Variants in PITPNM2 observed in about 807,000 individuals in gnomAD.
The protein encoded by PITPNM2 is membrane-associated phosphatidylinositol transfer protein 2.
PITPNM2 carries 35 observed loss-of-function variants against 132.2 expected under a neutral mutation model. The ratio of observed to expected loss-of-function variants is 0.26; its 90% CI spans 0.20 to 0.35. The LOEUF is 0.35. Ranked by LOEUF, PITPNM2 falls within the 10% of genes least tolerant of loss-of-function variation. The pLI is 1.00. For synonymous variants in PITPNM2, 738 were observed against 799.2 expected, an observed-to-expected ratio of 0.92 and a Z score of 1.29; for missense variants, 1,332 against 1,912.0, an observed-to-expected ratio of 0.70 and a Z score of 5.66.
chr12:122,990,515 TGAG>T, intron 17 of PITPNM2, 27 bp downstream of exon 17: 1 of 1,609,578 alleles, frequency 6.2e-7, no homozygotes, highest in Non-Finnish European at 8.5e-7. Flanking sequence ...CCTGGCTGAG[TGAG>T]GAGGGTGAGG....
chr12:122,992,099 C>T lies in PITPNM2; in HGVS notation c.2404+400G>A, dbSNP rs540231770. On this transcript the variant is annotated intron_variant, in intron 16 of 25. Transcript: ENST00000320201. This position sits in a 1 kb window ranked among gnomAD's most constrained non-coding sequence, Gnocchi z 6.5. ...CATCTCCTGCACCCTATCTCGGGGC[C>T]AGCCGCCTGCCATGATGGGACCCAG... is the stretch of plus-strand genomic sequence containing the variant. Among the ~76,000 whole-genome samples, 6 of 152,226 alleles carry T rather than the reference C, an allele frequency of 3.9e-5. No individual in the cohort carries two copies. The East Asian group carries it at 1.2e-3, about 29-fold the overall frequency.
rs748330494 is a variant in PITPNM2 at position 122,992,569 on chromosome 12, G to A, written c.2334C>T (p.His778=). The A allele has an allele frequency of 1.2e-5, 19 of 1,611,556 alleles. No homozygotes were observed. Among genetic ancestry groups the A allele is most frequent in the Admixed American group, 1.7e-5 (1 of 59,900 alleles). The change falls in exon 16 of 26, where the codon CAC becomes CAT. Residue 778 remains histidine (H), a synonymous_variant. Coordinates refer to ENST00000320201, the MANE Select transcript of PITPNM2 (RefSeq NM_020845.3). This position sits in a 1 kb window ranked among gnomAD's most constrained non-coding sequence, Gnocchi z 6.5. ...RLEPLLERRF[H]ALPPFSVPRY... Reference sequence around the variant, plus strand: ...GGGGGACGCTGAAAGGCGGCAGGGCGTGAAAGCGCCGTTCCAGCAGCGGCT... The same window carrying A: ...GGGGGACGCTGAAAGGCGGCAGGGCATGAAAGCGCCGTTCCAGCAGCGGCT...
chr12:123,016,619 TA>T (rs1418174568), intron 3 of PITPNM2, among the ~76,000 whole-genome samples: 3 of 151,744 alleles, frequency 2.0e-5, no homozygotes, highest in African/African-American at 7.3e-5. Context: ...CACAATGAGA[TA>T]GCACCTCACA....
intron 2 of PITPNM2, among the ~76,000 whole-genome samples, chr12:123,072,051 G>A (rs2041634770): frequency 6.6e-6 from 1 of 152,212 alleles, no homozygotes; most frequent in African/African-American, 2.4e-5. Flanking sequence ...GTCTGCACAG[G>A]CTTGACAAAG....
Position 122,993,904 on chromosome 12 carries a change from G to A in PITPNM2, c.2233+897C>T, listed in dbSNP as rs1046908409. On this transcript the variant is annotated intron_variant, in intron 15 of 25. Transcript: ENST00000320201. This position sits in a 1 kb window ranked among gnomAD's most constrained non-coding sequence, Gnocchi z 5.2. ...TTCTTTTTTTTTGAGACTGAGTTTC[G>A]CTTTTGTTGCCCAGGCTGGAGTGCA... 4.0e-5 allele frequency among the ~76,000 whole-genome samples: 6 copies of A among 151,210 alleles called. No homozygotes were observed. The highest frequency in any genetic ancestry group is 5.9e-5 in the Non-Finnish European group (4 of 67,876).
At chr12:123,018,737 G>T (rs1056570022) in intron 3 of PITPNM2, among the ~76,000 whole-genome samples, 1 of 148,940 alleles carries the variant, frequency 6.7e-6, no homozygotes, top group Admixed American at 6.7e-5. Flanking sequence ...GCTGGTACAG[G>T]TTCCTTTTTC....
rs977797292 is a variant in PITPNM2, at chr12:122,984,882, T to C, written c.*1145A>G. ...GTCAGACCCAGCGTGCAGGACAGCATGGTCCTTGTTCAGGCGAGAAATGAA... is the reference window on the plus strand; with the variant it reads ...GTCAGACCCAGCGTGCAGGACAGCACGGTCCTTGTTCAGGCGAGAAATGAA... On this transcript the variant is annotated 3_prime_UTR_variant, in exon 26 of 26. Transcript: ENST00000320201. The C allele has an allele frequency of 1.3e-5, 2 of 152,280 alleles. No individual in the cohort carries two copies. The highest frequency in any genetic ancestry group is 4.8e-5 in the African/African-American group (2 of 41,462). 9.4% of individuals were successfully genotyped at this position (152,280 alleles called of 1,614,324 possible).
At position 123,005,380 on chromosome 12, in the gene PITPNM2, A is replaced by G; in HGVS notation, c.812T>C (p.Val271Ala). 6.2e-7 allele frequency: 1 copy of G among 1,614,052 alleles called. No homozygotes were observed. The highest frequency in any genetic ancestry group is 1.1e-5 in the South Asian group (1 of 91,074). Reference protein sequence around the residue: ...NEDGEEATELVKHEAVSDQTS... With the variant: ...NEDGEEATELAKHEAVSDQTS... The stretch of plus-strand genomic sequence containing the variant: ...CTGGTCCGAGACGGCTTCGTGCTTG[A>G]CGAGCTCAGTGGCCTCCTCACCATC... The change falls in exon 7 of 26, where the codon GTC (valine) becomes GCC (alanine). Residue 271 changes from valine (V) to alanine (A), a missense_variant. Around this residue, in one of 6 missense-constraint regions of PITPNM2, gnomAD observed 710 missense variants for 911.5 expected, o/e 0.78. Coordinates refer to ENST00000320201, the MANE Select transcript of PITPNM2 (RefSeq NM_020845.3). This position sits in a 1 kb window ranked among gnomAD's most constrained non-coding sequence, Gnocchi z 6.2.
intron 1 of PITPNM2, among the ~76,000 whole-genome samples, chr12:123,120,154 T>C (rs560254173): frequency 1.3e-5 from 2 of 152,242 alleles, no homozygotes; most frequent in South Asian, 2.1e-4. Flanking sequence ...AGATTTAAGG[T>C]CACCTTATAA....
Position 123,038,496 on chromosome 12 carries a change from C to G in PITPNM2, c.-95-3811G>C, listed in dbSNP as rs371581867. On this transcript the variant is annotated intron_variant, in intron 2 of 25. Coordinates refer to ENST00000320201, the MANE Select transcript of PITPNM2 (RefSeq NM_020845.3). ...AATACTATCTGACTTCTGGAGTTAC[C>G]ATGAGTGTCATGAAAACAAGATAAG... Among the ~76,000 whole-genome samples, 9 of 152,310 alleles carry G rather than the reference C, an allele frequency of 5.9e-5. No homozygotes were observed. In the South Asian group the frequency reaches 8.3e-4, roughly 14 times the overall value.
intron 1 of PITPNM2, among the ~76,000 whole-genome samples, chr12:123,147,745 G>C (rs189665860): frequency 5.9e-5 from 9 of 152,268 alleles, no homozygotes; most frequent in Admixed American, 5.9e-4. Flanking sequence ...CACATAGTGT[G>C]GCAAAGAAGC....
chr12:123,139,551 C>G (rs1220547063), intron 1 of PITPNM2, among the ~76,000 whole-genome samples: 1 of 151,978 alleles, frequency 6.6e-6, no homozygotes. Flanking sequence ...TTCTTTCCTG[C>G]TCTGTCCAAA....
At position 123,095,177 on chromosome 12, in the gene PITPNM2, G is replaced by A. The variant is rs772169281; in HGVS notation, c.-96+15208C>T. Reference sequence around the variant, plus strand: ...TGATTCAGGGCTTGGAACGTGGTGAGGGGGCCCAGGGGAATGGGCTGCTCC... The same window carrying A: ...TGATTCAGGGCTTGGAACGTGGTGAAGGGGCCCAGGGGAATGGGCTGCTCC... On this transcript the variant is annotated intron_variant, in intron 2 of 25. Coordinates refer to ENST00000320201, the MANE Select transcript of PITPNM2 (RefSeq NM_020845.3). This position sits in a 1 kb window ranked among gnomAD's most constrained non-coding sequence, Gnocchi z 5.0. Among the ~76,000 whole-genome samples the A allele has an allele frequency of 2.0e-5, 3 of 152,146 alleles. No individual in the cohort carries two copies. The highest frequency in any genetic ancestry group is 4.8e-5 in the African/African-American group (2 of 41,436).
At chr12:123,141,778 C>T (rs1459471026) in intron 1 of PITPNM2, among the ~76,000 whole-genome samples, 1 of 152,104 alleles carries the variant, frequency 6.6e-6, no homozygotes, top group East Asian at 1.9e-4. Flanking sequence ...TAGCTGTGTC[C>T]TTGAGTCTTA....
chr12:123,047,255 GT>G (rs898507677), intron 2 of PITPNM2, among the ~76,000 whole-genome samples: 7 of 152,144 alleles, frequency 4.6e-5, no homozygotes. Flanking sequence ...AACAATTTCT[GT>G]TTTTTTCTTT....
rs1367899415 is a variant in PITPNM2, at chr12:122,993,283, G to T, written c.2234-614C>A. On this transcript the variant is annotated intron_variant, in intron 15 of 25. Coordinates refer to ENST00000320201, the MANE Select transcript of PITPNM2 (RefSeq NM_020845.3). This position sits in a 1 kb window ranked among gnomAD's most constrained non-coding sequence, Gnocchi z 5.2. The stretch of plus-strand genomic sequence containing the variant: ...CTTGCGGGAGCACCACCGAGTGCTG[G>T]CTAGGGCAGCCCTGCCCTGCCTGTA... 6.6e-6 allele frequency among the ~76,000 whole-genome samples: 1 copy of T among 152,164 alleles called. No individual in the cohort carries two copies. Among genetic ancestry groups the T allele is most frequent in the Non-Finnish European group, 1.5e-5 (1 of 68,026 alleles).
intron 1 of PITPNM2, among the ~76,000 whole-genome samples, chr12:123,128,168 A>G (rs1311756838): frequency 6.8e-6 from 1 of 146,440 alleles, no homozygotes; most frequent in East Asian, 2.1e-4. Flanking sequence ...GCGGTTGCTC[A>G]TGCCTATAAT....
intron 2 of PITPNM2, among the ~76,000 whole-genome samples, chr12:123,101,231 A>G (rs550994525): frequency 6.6e-5 from 10 of 152,260 alleles, no homozygotes; most frequent in Admixed American, 6.5e-4. Context: ...CACACTTATG[A>G]CCTCAAATAT....
At position 123,080,311 on chromosome 12, in the gene PITPNM2, T is replaced by G. The variant is rs549797194; in HGVS notation, c.-96+30074A>C. 1.2e-4 allele frequency among the ~76,000 whole-genome samples: 19 copies of G among 152,262 alleles called. No homozygotes were observed. The South Asian group carries it at 3.1e-3, about 25-fold the overall frequency. On this transcript the variant is annotated intron_variant, in intron 2 of 25. Transcript: ENST00000320201. Reference sequence around the variant, plus strand: ...ATAGCTTACTGCAGCCTCGACCTCCTGGATTCAAGTGATTCTCCCACCTCA... The same window carrying G: ...ATAGCTTACTGCAGCCTCGACCTCCGGGATTCAAGTGATTCTCCCACCTCA...
Sources: allele counts gnomAD v4.1 joint callset (sites outside exome capture counted in the v4.1 genomes callset), GRCh38; gene constraint gnomAD v4.1.1; regional missense constraint gnomAD v4.1.1; non-coding constraint Gnocchi (gnomAD v3.1); transcripts MANE v1.5; gene names NCBI Gene and HGNC (gene_info 2026-07-23, HGNC 2026-07-21).